EPN1: variants seen among roughly 807,000 people sequenced by gnomAD.
The protein encoded by EPN1 is epsin-1.
Under a neutral mutation model 56.9 loss-of-function variants are expected in EPN1, and 25 were observed. The ratio of observed to expected loss-of-function variants is 0.44; its 90% CI spans 0.32 to 0.61. EPN1 has a LOEUF of 0.61. Ranked by LOEUF, EPN1 falls within the 20% of genes least tolerant of loss-of-function variation. The probability of loss-of-function intolerance (pLI) is 0.05; values close to 1 mark genes in which losing one functional copy is unlikely to be tolerated. For synonymous variants in EPN1, 411 were observed against 361.8 expected (o/e 1.14, Z -1.54); for missense variants, 785 against 823.7 (o/e 0.95, Z 0.58).
chr19:55,676,243 G>A (rs1016136293), intron 1 of EPN1, among the ~76,000 whole-genome samples: 1 of 152,212 alleles, frequency 6.6e-6, no homozygotes, highest in Non-Finnish European at 1.5e-5. Flanking sequence ...TTATTACAGT[G>A]CTTAGAGATT....
In EPN1 at chr19:55,691,807, C is replaced by G. The variant is rs1043595645; in HGVS notation, c.816C>G (p.Thr272=). The change falls in exon 7 of 11, where the codon ACC becomes ACG. Residue 272 remains threonine (T), a synonymous_variant. Coordinates refer to ENST00000270460, the MANE Select transcript of EPN1 (RefSeq NM_001130072.2). This position sits in a 1 kb window ranked among gnomAD's most constrained non-coding sequence, Gnocchi z 5.6. The part of the protein sequence containing the change: ...DVFTAPAPAP[T]TDPWGGPAPM... ...TCACGGCCCCAGCTCCTGCCCCGACCACAGACCCCTGGGGGGGCCCAGCAC... is the reference window on the plus strand; with the variant it reads ...TCACGGCCCCAGCTCCTGCCCCGACGACAGACCCCTGGGGGGGCCCAGCAC... The G allele has an allele frequency of 1.9e-6, 3 of 1,612,470 alleles. No homozygotes were observed. The Admixed American group carries it at 5.0e-5, about 27-fold the overall frequency.
chr19:55,695,236 T>C lies in EPN1; in HGVS notation c.1611T>C (p.Pro537=). Residue 537 remains proline, a synonymous_variant, in exon 11 of 11, where the codon CCT becomes CCC. Transcript: ENST00000270460. The surrounding 1 kb of genome is among the most constrained non-coding windows in gnomAD (Gnocchi z 4.4). ...TLTLNQLRLS[P]VPPVPGAPPT... ...CCCTGAACCAGCTCCGTCTCAGTCC[T>C]GTGCCTCCCGTCCCTGGAGCGCCAC... 6.2e-7 allele frequency: 1 copy of C among 1,612,890 alleles called. No individual in the cohort carries two copies. The highest frequency in any genetic ancestry group is 8.5e-7 in the Non-Finnish European group (1 of 1,179,754).
chr19:55,690,369 G>GC (rs1208931565), intron 6 of EPN1, among the ~76,000 whole-genome samples: 2 of 152,268 alleles, frequency 1.3e-5, no homozygotes, highest in Admixed American at 1.3e-4. Context: ...CTGTTGGTGA[G>GC]CGAGGAGGCA....
At chr19:55,676,406 A>G (rs927776605) in intron 1 of EPN1, among the ~76,000 whole-genome samples, 1 of 152,224 alleles carries the variant, frequency 6.6e-6, no homozygotes, top group African/African-American at 2.4e-5. Flanking sequence ...GAGAAATCTC[A>G]GCTTTGATGT....
In EPN1 at chr19:55,702,331, G is replaced by C. The variant is rs1987181840; in HGVS notation, c.*6975G>C. The C allele has an allele frequency of 6.6e-6, 1 of 152,300 alleles. No individual in the cohort carries two copies. Among genetic ancestry groups the C allele is most frequent in the South Asian group, 2.1e-4 (1 of 4,830 alleles). 9.4% of individuals were successfully genotyped at this position (152,300 alleles called of 1,614,324 possible). On this transcript the variant is annotated 3_prime_UTR_variant, in exon 11 of 11. Transcript: ENST00000270460. ...GCTCTGCGCTGCTGCTTATCTGTGT[G>C]TGCTAAAAGGGGAGGGAGTGTTTCT...
At position 55,695,048 on chromosome 19, in the gene EPN1, G is replaced by A. The variant is rs1986830903; in HGVS notation, c.1522+65G>A. The A allele has an allele frequency of 9.5e-6, 15 of 1,583,916 alleles. No individual in the cohort carries two copies. The highest frequency in any genetic ancestry group is 1.3e-5 in the Non-Finnish European group (15 of 1,165,168). ...GGTTCCACCAGAGGAGGTGCCTCACGGGGCAGGGACACTTCGCCCTTTGCC... is the reference window on the plus strand; with the variant it reads ...GGTTCCACCAGAGGAGGTGCCTCACAGGGCAGGGACACTTCGCCCTTTGCC... On this transcript the variant is annotated intron_variant, in intron 10 of 10. Transcript: ENST00000270460. This position sits in a 1 kb window ranked among gnomAD's most constrained non-coding sequence, Gnocchi z 4.4.
At position 55,709,063 on chromosome 19, in the gene EPN1, AGTT is replaced by A; in HGVS notation, c.*13708_*13710del. On this transcript the variant is annotated 3_prime_UTR_variant, in exon 11 of 11. Coordinates refer to ENST00000270460, the MANE Select transcript of EPN1 (RefSeq NM_001130072.2). ...GTGCAGCCTGGGAAAATAGAAATAAAGTTTTTTTTTTTGTTTTTCATTTTTACA... is the reference window on the plus strand; with the variant it reads ...GTGCAGCCTGGGAAAATAGAAATAAATTTTTTTTTGTTTTTCATTTTTACA... 1.3e-6 allele frequency: 2 copies of A among 1,547,222 alleles called. No individual in the cohort carries two copies. Among genetic ancestry groups the A allele is most frequent in the Non-Finnish European group, 1.7e-6 (2 of 1,156,058 alleles).
At chr19:55,681,623 C>T (rs559877411) in intron 2 of EPN1, among the ~76,000 whole-genome samples, 28 of 152,190 alleles carry the variant, frequency 1.8e-4, no homozygotes, top group Non-Finnish European at 3.1e-4. Flanking sequence ...AAATGTTTTT[C>T]ATCTGGCTCC....
rs1010813707 is a variant in EPN1, at chr19:55,703,496, G to C, written c.*8140G>C. 1.3e-5 allele frequency: 2 copies of C among 152,166 alleles called. No homozygotes were observed. Among genetic ancestry groups the C allele is most frequent in the Non-Finnish European group, 2.9e-5 (2 of 68,100 alleles). The allele number at this position is 152,166 out of a possible 1,614,324, so 9.4% of individuals were successfully genotyped here. A position where few individuals can be genotyped will look rare whatever the true frequency, so the allele number is the denominator to read the frequency against. ...CCGCCACCACGCCCAGCTAATTTTT[G>C]TATTTTTAGTAGAGACGGGGTTTCA... On this transcript the variant is annotated 3_prime_UTR_variant, in exon 11 of 11. Transcript: ENST00000270460.
intron 2 of EPN1, among the ~76,000 whole-genome samples, chr19:55,684,807 G>T (rs1029156018): frequency 6.6e-6 from 1 of 152,172 alleles, no homozygotes; most frequent in Non-Finnish European, 1.5e-5. Flanking sequence ...GATTTTAGTT[G>T]TAAAGAAATA....
rs1447253277 is a variant in EPN1 at position 55,696,265 on chromosome 19, C to CT, written c.*910dup. ...GTTGTCCTCTGTGTGCTGTTTTCCT[C>CT]TGTGTGCTCTTGTCCTGGGCTGGAC... On this transcript the variant is annotated 3_prime_UTR_variant, in exon 11 of 11. Coordinates refer to ENST00000270460, the MANE Select transcript of EPN1 (RefSeq NM_001130072.2). 2 of 152,390 alleles carry CT rather than the reference C, an allele frequency of 1.3e-5. No individual in the cohort carries two copies. The highest frequency in any genetic ancestry group is 2.9e-5 in the Non-Finnish European group (2 of 68,178). 9.4% of individuals were successfully genotyped at this position (152,390 alleles called of 1,614,324 possible). A position where few individuals can be genotyped will look rare whatever the true frequency, so the allele number is the denominator to read the frequency against.
chr19:55,684,511 TATAAA>T (rs1986033109), intron 2 of EPN1, among the ~76,000 whole-genome samples: 1 of 152,154 alleles, frequency 6.6e-6, no homozygotes, highest in African/African-American at 2.4e-5. Flanking sequence ...GTTTTCGTAT[TATAAA>T]ATACAAACAT....
chr19:55,676,989 TG>T (rs1985480937), intron 1 of EPN1: 3 of 765,684 alleles, frequency 3.9e-6, no homozygotes, highest in African/African-American at 1.8e-5. Flanking sequence ...TGTATTAGGC[TG>T]GGGCTGTTTT....
chr19:55,706,299 T>TTTTTTTTTTTTTTTTTTA lies in EPN1; in HGVS notation c.*10943_*10944insTTTTTTTTTTTTTTTTTA, dbSNP rs1324277673. ...TTTCTTCTTCTTTTTTTTTTTTTTT[T>TTTTTTTTTTTTTTTTTTA]AAAAGACCGTGTTTCGCTCTGTCAC... On this transcript the variant is annotated 3_prime_UTR_variant, in exon 11 of 11. Coordinates refer to ENST00000270460, the MANE Select transcript of EPN1 (RefSeq NM_001130072.2). 5 of 154,804 alleles carry TTTTTTTTTTTTTTTTTTA rather than the reference T, an allele frequency of 3.2e-5. No homozygotes were observed. The highest frequency in any genetic ancestry group is 1.3e-4 in the African/African-American group (5 of 39,256). 9.6% of individuals were successfully genotyped at this position (154,804 alleles called of 1,614,324 possible).
chr19:55,707,967 G>C lies in EPN1; in HGVS notation c.*12611G>C, dbSNP rs1295881723. ...CTATGCCAGCATTCTTTAAAGTTGT[G>C]GGAAAAGGCCAAAAGCAAATAGAAA... On this transcript the variant is annotated 3_prime_UTR_variant, in exon 11 of 11. Transcript: ENST00000270460. 2 of 152,480 alleles carry C rather than the reference G, an allele frequency of 1.3e-5. No individual in the cohort carries two copies. The highest frequency in any genetic ancestry group is 4.8e-5 in the African/African-American group (2 of 41,472). 9.4% of individuals were successfully genotyped at this position (152,480 alleles called of 1,614,324 possible).
chr19:55,700,439 T>TA lies in EPN1; in HGVS notation c.*5083_*5084insA, dbSNP rs1987087696. 12 of 150,110 alleles carry TA rather than the reference T, an allele frequency of 8.0e-5. No homozygotes were observed. Among genetic ancestry groups the TA allele is most frequent in the African/African-American group, 3.0e-4 (12 of 39,590 alleles). The allele number at this position is 150,110 out of a possible 1,614,324, so 9.3% of individuals were successfully genotyped here. On this transcript the variant is annotated 3_prime_UTR_variant, in exon 11 of 11. Coordinates refer to ENST00000270460, the MANE Select transcript of EPN1 (RefSeq NM_001130072.2). The stretch of plus-strand genomic sequence containing the variant: ...CGACCACAGCCAACTCATTTTTCTG[T>TA]TTTTAGCAGAGACAGGGTTTCACCA...
rs1568589522 is a variant in EPN1 at position 55,709,056 on chromosome 19, G to T, written c.*13700G>T. 2 of 1,549,516 alleles carry T rather than the reference G, an allele frequency of 1.3e-6. No individual in the cohort carries two copies. The highest frequency in any genetic ancestry group is 1.3e-5 in the South Asian group (1 of 79,614). On this transcript the variant is annotated 3_prime_UTR_variant, in exon 11 of 11. Coordinates refer to ENST00000270460, the MANE Select transcript of EPN1 (RefSeq NM_001130072.2). ...CAGATTTGTGCAGCCTGGGAAAATA[G>T]AAATAAAGTTTTTTTTTTTGTTTTT...
rs1985388766 is a variant in EPN1, at chr19:55,675,988, G to A, written c.-102+553G>A. ...TTCCCCAGTTTTCTGAGTCTCTGGT[G>A]TGATGGTGAAGAGCCCCAGCCTTGG... On this transcript the variant is annotated intron_variant, in intron 1 of 10. Coordinates refer to ENST00000270460, the MANE Select transcript of EPN1 (RefSeq NM_001130072.2). Among the ~76,000 whole-genome samples the A allele has an allele frequency of 1.3e-5, 2 of 152,168 alleles. 1 individual carries two copies. Among genetic ancestry groups the A allele is most frequent in the African/African-American group, 4.8e-5 (2 of 41,414 alleles).
intron 1 of EPN1, chr19:55,677,128 G>T: frequency 1.3e-6 from 2 of 1,551,082 alleles, no homozygotes; most frequent in Non-Finnish European, 1.7e-6. Flanking sequence ...ACATCATGGC[G>T]GGGCTTTGAA....
Sources: allele counts gnomAD v4.1 joint callset (sites outside exome capture counted in the v4.1 genomes callset), GRCh38; gene constraint gnomAD v4.1.1; non-coding constraint Gnocchi (gnomAD v3.1); transcripts MANE v1.5; gene names NCBI Gene and HGNC (gene_info 2026-07-23, HGNC 2026-07-21).